DOCK6: variants seen among roughly 807,000 people sequenced by gnomAD.
DOCK6 encodes dedicator of cytokinesis 6, also known as dedicator of cytokinesis protein 6.
DOCK6 carries 167 observed loss-of-function variants against 230.3 expected under a neutral mutation model. The observed-to-expected ratio is 0.73, with a 90% CI of 0.64 to 0.82. The LOEUF is 0.82. Among genes scored for constraint, DOCK6 ranks in the 40% least tolerant of loss-of-function variants. DOCK6 has a pLI of 0.00. For synonymous variants in DOCK6, 1,148 were observed against 1,185.0 expected (o/e 0.97, Z 0.64); for missense variants, 2,598 against 2,825.8 (o/e 0.92, Z 1.83).
At chr19:11,228,874 T>G in intron 23 of DOCK6, 66 bp downstream of exon 23, 1 of 1,531,998 alleles carries the variant, frequency 6.5e-7, no homozygotes, top group Non-Finnish European at 9.0e-7. Context: ...GGGGCTTCTC[T>G]CTTTAAAAAA....
chr19:11,261,704 C>A lies in DOCK6; in HGVS notation c.44+693G>T, dbSNP rs369846339. Among the ~76,000 whole-genome samples, 34 of 152,158 alleles carry A rather than the reference C, an allele frequency of 2.2e-4. No individual in the cohort carries two copies. The South Asian group carries it at 2.9e-3, about 13-fold the overall frequency. ...CCCCAGCGCCTGGGGCCTGTCCCCTCCCCCGTCTGCCCACCAGCTGGTTCT... is the reference window on the plus strand; with the variant it reads ...CCCCAGCGCCTGGGGCCTGTCCCCTACCCCGTCTGCCCACCAGCTGGTTCT... On this transcript the variant is annotated intron_variant, in intron 1 of 47. Transcript: ENST00000294618.
chr19:11,218,771 A>G lies in DOCK6; in HGVS notation c.3551-1380T>C, dbSNP rs181210977. 8.7e-3 allele frequency among the ~76,000 whole-genome samples: 1,313 copies of G among 151,426 alleles called. 12 individuals are homozygous for G. The highest frequency in any genetic ancestry group is 0.014 in the Non-Finnish European group (962 of 67,842). On this transcript the variant is annotated intron_variant, in intron 28 of 47. Coordinates refer to ENST00000294618, the MANE Select transcript of DOCK6 (RefSeq NM_020812.4). Reference sequence around the variant, plus strand: ...CCTTGATGTTATTACTATAGCATCAATCAGCACTTATATGGTATCTCCTAT... The same window carrying G: ...CCTTGATGTTATTACTATAGCATCAGTCAGCACTTATATGGTATCTCCTAT...
In DOCK6 at chr19:11,199,445, A is replaced by T; in HGVS notation, c.*52T>A. 1 of 1,553,072 alleles carries T rather than the reference A, an allele frequency of 6.4e-7. No homozygotes were observed. Among genetic ancestry groups the T allele is most frequent in the Non-Finnish European group, 8.7e-7 (1 of 1,146,822 alleles). ...GGCAGACTCCCCTCGCAGCACAGAC[A>T]GCTGAGGCCCGGGTGCTGGTTCCTC... On this transcript the variant is annotated 3_prime_UTR_variant, in exon 48 of 48. Coordinates refer to ENST00000294618, the MANE Select transcript of DOCK6 (RefSeq NM_020812.4).
rs764715690 is a variant in DOCK6 at position 11,236,389 on chromosome 19, G to A, written c.2349C>T (p.Leu783=). Residue 783 remains leucine (L), a synonymous_variant, in exon 20 of 48, where the codon CTC becomes CTT. Transcript: ENST00000294618. This position sits in a 1 kb window ranked among gnomAD's most constrained non-coding sequence, Gnocchi z 5.2. ...VAFSHHVLDK[L]VRLVIRPPII... is the part of the protein sequence containing the mutation. ...TCGGGGGCCTGATGACCAGACGCAC[G>A]AGCTTGTCCAGCACGTGGTGGGAGA... The A allele has an allele frequency of 1.9e-5, 30 of 1,581,214 alleles. No individual in the cohort carries two copies. The East Asian group carries it at 4.2e-4, about 22-fold the overall frequency.
At chr19:11,211,418 A>G (rs969006200) in intron 37 of DOCK6, among the ~76,000 whole-genome samples, 4 of 146,400 alleles carry the variant, frequency 2.7e-5, no homozygotes, top group Middle Eastern at 3.6e-3. Flanking sequence ...CCTGGCTCTC[A>G]TCTGTCATCC....
At chr19:11,210,265 A>C (rs1600860291) in intron 37 of DOCK6, among the ~76,000 whole-genome samples, 2 of 102,404 alleles carry the variant, frequency 2.0e-5, no homozygotes, top group Admixed American at 2.1e-4. Flanking sequence ...TCCACCCCTC[A>C]CCTGTTCATC....
chr19:11,239,516 C>G, intron 14 of DOCK6: 1 of 1,232,438 alleles, frequency 8.1e-7, no homozygotes, highest in South Asian at 1.3e-5. Context: ...GCACCACTGC[C>G]AGGCCCTTGT....
At position 11,243,807 on chromosome 19, in the gene DOCK6, C is replaced by T; in HGVS notation, c.1099G>A (p.Ala367Thr). 6.2e-7 allele frequency: 1 copy of T among 1,613,148 alleles called. No homozygotes were observed. Among genetic ancestry groups the T allele is most frequent in the South Asian group, 1.1e-5 (1 of 90,798 alleles). ...PYMVLKEVDT[A>T]KNKEKLEKLR... ...TCCAGCCTCCACACGCTTACCTTGG[C>T]TGTGTCCACTTCTTTCAACACCATG... The change falls in exon 10 of 48, where the codon GCC (alanine) becomes ACC (threonine). Residue 367 changes from alanine (A) to threonine (T), a missense_variant. Coordinates refer to ENST00000294618, the MANE Select transcript of DOCK6 (RefSeq NM_020812.4). The surrounding 1 kb of genome is among the most constrained non-coding windows in gnomAD (Gnocchi z 6.3).
intron 31 of DOCK6, 135 bp downstream of exon 31, chr19:11,215,666 T>A: frequency 6.8e-7 from 1 of 1,460,238 alleles, no homozygotes. Context: ...ATGTGTACGG[T>A]GATGATTTGT....
At chr19:11,229,115 T>C in intron 22 of DOCK6, 80 bp from the exon 23 acceptor site, 1 of 1,437,582 alleles carries the variant, frequency 7.0e-7, no homozygotes, top group South Asian at 1.2e-5. Flanking sequence ...CAGGGGAAGA[T>C]GCAGCTGGAG....
At position 11,230,287 on chromosome 19, in the gene DOCK6, C is replaced by T. The variant is rs372300242; in HGVS notation, c.2719-1252G>A. 1.4e-3 allele frequency among the ~76,000 whole-genome samples: 219 copies of T among 151,966 alleles called. 1 individual carries two copies. Among genetic ancestry groups the T allele is most frequent in the African/African-American group, 5.1e-3 (213 of 41,408 alleles). On this transcript the variant is annotated intron_variant, in intron 22 of 47. Coordinates refer to ENST00000294618, the MANE Select transcript of DOCK6 (RefSeq NM_020812.4). The stretch of plus-strand genomic sequence containing the variant: ...CTGGGAGGCAGAGCCTGCAGTGAGC[C>T]GAGATTGCACCATTGCACTCCAGCC...
chr19:11,210,267 C>T (rs184635300), intron 37 of DOCK6, among the ~76,000 whole-genome samples: 1 of 150,294 alleles, frequency 6.7e-6, no homozygotes, highest in Non-Finnish European at 1.5e-5. Context: ...CACCCCTCAC[C>T]TGTTCATCCC....
chr19:11,221,752 A>G, intron 28 of DOCK6, 99 bp downstream of exon 28: 1 of 1,564,690 alleles, frequency 6.4e-7, no homozygotes, highest in Non-Finnish European at 8.8e-7. Context: ...TAATGTCTAT[A>G]CTCATACCAG....
intron 22 of DOCK6, 188 bp from the exon 23 acceptor site, chr19:11,229,223 G>T: frequency 7.7e-7 from 1 of 1,302,474 alleles, no homozygotes; most frequent in Non-Finnish European, 1.0e-6. Context: ...CTGGACTCTG[G>T]ATGGGGGAGG....
At chr19:11,237,078 G>C (rs1450832225) in intron 18 of DOCK6, 199 bp from the exon 19 acceptor site, 1 of 604,958 alleles carries the variant, frequency 1.7e-6, no homozygotes, top group East Asian at 2.8e-5. Context: ...GCCAAGACGG[G>C]GGCAGAGAAT....
At chr19:11,227,244 CCAGGAGACACTGGG>C in intron 24 of DOCK6, 79 bp downstream of exon 24, 1 of 1,535,550 alleles carries the variant, frequency 6.5e-7, no homozygotes, top group Non-Finnish European at 8.8e-7. Flanking sequence ...GGTCTTACGG[CCAGGAGACACTGGG>C]CAGGATTGGC....
In DOCK6 at chr19:11,227,318, G is replaced by A. The variant is rs560744368; in HGVS notation, c.2955+19C>T. On this transcript the variant is annotated intron_variant, in intron 24 of 47. Transcript: ENST00000294618. ...CCTCCCTCAGGTTTCTTCCCACATT[G>A]AGACCCTGCATCTCTCACCTTGTGG... The A allele has an allele frequency of 1.2e-5, 20 of 1,611,588 alleles. No individual in the cohort carries two copies. The highest frequency in any genetic ancestry group is 1.3e-5 in the African/African-American group (1 of 74,994).
chr19:11,206,266 A>G (rs1233924264), intron 39 of DOCK6: 1 of 152,178 alleles, frequency 6.6e-6, no homozygotes, highest in African/African-American at 2.4e-5. Context: ...CACAGTGGAA[A>G]ATCAGTTGCC....
rs8104277 is a variant in DOCK6, at chr19:11,228,809, G to A, written c.2814+131C>T. On this transcript the variant is annotated intron_variant, in intron 23 of 47. Transcript: ENST00000294618. Reference sequence around the variant, plus strand: ...GATCTCCTGACCTCGTGATCCGCCCGCCTCGGCCTCCCAAAGTGTTGGGAT... The same window carrying A: ...GATCTCCTGACCTCGTGATCCGCCCACCTCGGCCTCCCAAAGTGTTGGGAT... The A allele has an allele frequency of 0.013, 10,209 of 766,704 alleles. 661 individuals are homozygous for A. The African/African-American group carries it at 0.15, about 11-fold the overall frequency. 47.5% of individuals were successfully genotyped at this position (766,704 alleles called of 1,614,324 possible).
Sources: gnomAD v4.1 joint callset for allele counts (sites outside exome capture counted in the v4.1 genomes callset) on GRCh38, gnomAD v4.1.1 for gene constraint, Gnocchi (gnomAD v3.1) non-coding constraint, MANE v1.5 for transcripts, NCBI Gene and HGNC (gene_info 2026-07-23, HGNC 2026-07-21) for gene names.